The following METTL8 variants were observed in gnomAD, a reference collection of about 807,000 sequenced individuals.
METTL8 encodes the protein methyltransferase 8, tRNA N3-cytidine.
Under a neutral mutation model 48.7 loss-of-function variants are expected in METTL8, and 32 were observed. The observed-to-expected ratio is 0.66, with a 90% CI of 0.50 to 0.88. The LOEUF (loss-of-function observed/expected upper bound fraction) is 0.88. Ranked by LOEUF, METTL8 falls within the 40% of genes least tolerant of loss-of-function variation. METTL8 has a pLI of 0.00. For synonymous variants in METTL8, 136 were observed against 157.1 expected (o/e 0.87, Z 1.01); for missense variants, 464 against 474.4 (o/e 0.98, Z 0.20).
intron 1 of METTL8, among the ~76,000 whole-genome samples, chr2:171,393,146 T>C (rs995029927): frequency 4.6e-5 from 7 of 151,536 alleles, no homozygotes; most frequent in African/African-American, 1.5e-4. Flanking sequence ...TAAGGCCAGC[T>C]GCAGTGGCTC....
intron 3 of METTL8, among the ~76,000 whole-genome samples, chr2:171,358,555 T>C (rs970388930): frequency 6.6e-6 from 1 of 152,076 alleles, no homozygotes; most frequent in African/African-American, 2.4e-5. Context: ...GTACATATGA[T>C]GGGGAAAGGA....
intron 1 of METTL8, 32 bp from the exon 2 acceptor site, chr2:171,392,229 A>G (rs1688644500): frequency 6.5e-7 from 1 of 1,529,984 alleles, no homozygotes; most frequent in East Asian, 2.5e-5. Flanking sequence ...ATTAGTCAAC[A>G]TAGATTAAAC....
chr2:171,407,404 C>G (rs1574171255), intron 1 of METTL8, among the ~76,000 whole-genome samples: 1 of 151,848 alleles, frequency 6.6e-6, no homozygotes, highest in East Asian at 1.9e-4. Context: ...AGGAATGAGG[C>G]CTTCTAAGTT....
chr2:171,429,851 C>T (rs1276120598), intron 1 of METTL8, among the ~76,000 whole-genome samples: 6 of 151,900 alleles, frequency 3.9e-5, no homozygotes, highest in Admixed American at 1.3e-4. Context: ...ACCAGCCTGA[C>T]CAATATGATG....
intron 2 of METTL8, among the ~76,000 whole-genome samples, chr2:171,381,618 C>T (rs1248992053): frequency 6.6e-6 from 1 of 151,980 alleles, no homozygotes; most frequent in Non-Finnish European, 1.5e-5. Context: ...CAAAAGAAGA[C>T]ATTTATGCAG....
chr2:171,335,735 T>C lies in METTL8; in HGVS notation c.656+1718A>G, dbSNP rs143535693. Among the ~76,000 whole-genome samples, 965 of 152,178 alleles carry C rather than the reference T, an allele frequency of 6.3e-3. 7 individuals are homozygous for C. The highest frequency in any genetic ancestry group is 0.021 in the African/African-American group (862 of 41,500). ...CCACCGCACCAGGCCCCAGATGCTT[T>C]TACATTTTAATAATAAAAAGTTTAA... On this transcript the variant is annotated intron_variant, in intron 5 of 9. Transcript: ENST00000375258.
Position 171,433,987 on chromosome 2 carries a change from G to C in METTL8, c.-117C>G. On this transcript the variant is annotated 5_prime_UTR_variant, in exon 1 of 10. Transcript: ENST00000375258. ...CGAAGGTCGGGGCCGAGAAGCTTGT[G>C]AGTACCGGGGCAGTGAGGGAGGGAT... is the stretch of plus-strand genomic sequence containing the variant. 1 of 214,884 alleles carries C rather than the reference G, an allele frequency of 4.7e-6. No homozygotes were observed. The highest frequency in any genetic ancestry group is 9.4e-6 in the Non-Finnish European group (1 of 105,946). 13.3% of individuals were successfully genotyped at this position (214,884 alleles called of 1,614,324 possible). A position where few individuals can be genotyped will look rare whatever the true frequency, so the allele number is the denominator to read the frequency against.
chr2:171,338,565 G>T (rs142691423), intron 4 of METTL8, among the ~76,000 whole-genome samples: 1 of 151,644 alleles, frequency 6.6e-6, no homozygotes, highest in Non-Finnish European at 1.5e-5. Context: ...GCTTGAACCC[G>T]GGAGGCAGAA....
chr2:171,421,400 G>C (rs1243548481), intron 1 of METTL8, among the ~76,000 whole-genome samples: 1 of 151,952 alleles, frequency 6.6e-6, no homozygotes, highest in Non-Finnish European at 1.5e-5. Context: ...GATCACACAT[G>C]TGAATAGCCA....
At chr2:171,397,724 T>C (rs1689251684) in intron 1 of METTL8, among the ~76,000 whole-genome samples, 1 of 151,996 alleles carries the variant, frequency 6.6e-6, no homozygotes, top group Non-Finnish European at 1.5e-5. Flanking sequence ...CTTCCAATAA[T>C]AGGAATGAAA....
intron 1 of METTL8, among the ~76,000 whole-genome samples, chr2:171,401,676 T>A (rs1027904791): frequency 1.1e-4 from 17 of 152,164 alleles, no homozygotes; most frequent in Non-Finnish European, 2.2e-4. Flanking sequence ...ACTATTCTTA[T>A]TTCTCTGGAC....
intron 1 of METTL8, among the ~76,000 whole-genome samples, chr2:171,431,763 G>T (rs1201175179): frequency 2.0e-5 from 3 of 152,200 alleles, no homozygotes; most frequent in Admixed American, 6.5e-5. Flanking sequence ...GGGCGGGAGT[G>T]GGGTAACAGG....
chr2:171,345,185 T>C (rs750457062), intron 3 of METTL8, among the ~76,000 whole-genome samples: 158 of 152,304 alleles, frequency 1.0e-3, no homozygotes, highest in African/African-American at 3.7e-3. Context: ...TTCTCAATTA[T>C]TCACTTATTA....
intron 3 of METTL8, among the ~76,000 whole-genome samples, chr2:171,340,972 G>T (rs1686690367): frequency 6.6e-6 from 1 of 152,180 alleles, no homozygotes; most frequent in Admixed American, 6.5e-5. Context: ...TCAGGGTTAG[G>T]TCAATAGTCT....
chr2:171,351,539 T>C (rs1361495282), intron 3 of METTL8, among the ~76,000 whole-genome samples: 7 of 152,252 alleles, frequency 4.6e-5, no homozygotes, highest in African/African-American at 9.6e-5. Context: ...ATTGAATCTA[T>C]AAATTACCTT....
intron 1 of METTL8, among the ~76,000 whole-genome samples, chr2:171,422,012 A>G (rs191055420): frequency 6.0e-4 from 92 of 152,364 alleles, no homozygotes; most frequent in African/African-American, 2.0e-3. Context: ...GAAAGTGTCA[A>G]TGGCAAAAAA....
rs1294901922 is a variant in METTL8 at position 171,316,813 on chromosome 2, T to C, written c.*7359A>G. The stretch of plus-strand genomic sequence containing the variant: ...ATTTCTTTCTTGTTTCAATGCAGCA[T>C]GTGATACTGGCAATTTCAGCCATTC... On this transcript the variant is annotated 3_prime_UTR_variant, in exon 10 of 10. Transcript: ENST00000375258. Among the ~76,000 whole-genome samples the C allele has an allele frequency of 2.0e-5, 3 of 152,238 alleles. No individual in the cohort carries two copies. Among genetic ancestry groups the C allele is most frequent in the South Asian group, 2.1e-4 (1 of 4,832 alleles).
At chr2:171,368,794 C>T (rs913902936) in intron 2 of METTL8, among the ~76,000 whole-genome samples, 2 of 151,868 alleles carry the variant, frequency 1.3e-5, no homozygotes, top group African/African-American at 2.4e-5. Context: ...CCCAGCTACT[C>T]GGGAGGCTGA....
chr2:171,415,411 G>A (rs1382994686), intron 1 of METTL8, among the ~76,000 whole-genome samples: 1 of 142,990 alleles, frequency 7.0e-6, no homozygotes, highest in African/African-American at 2.7e-5. Context: ...GGAGTGCAGT[G>A]GCGCGATCTT....
Sources: gnomAD v4.1 joint callset for allele counts (sites outside exome capture counted in the v4.1 genomes callset) on GRCh38, gnomAD v4.1.1 for gene constraint, MANE v1.5 for transcripts, NCBI Gene and HGNC (gene_info 2026-07-23, HGNC 2026-07-21) for gene names.